Variants in TUBB8B observed in about 807,000 individuals in gnomAD.
TUBB8B encodes the protein HSA18p11 beta-tubulin 4Q pseudogene.
TUBB8B carries 26 observed loss-of-function variants against 31.9 expected under a neutral mutation model. The ratio of observed to expected loss-of-function variants is 0.81; its 90% CI spans 0.60 to 1.13. The LOEUF is 1.13. Among genes scored for constraint, TUBB8B ranks in the 50% most tolerant of loss-of-function variants. TUBB8B has a pLI of 0.00. For synonymous variants in TUBB8B, 173 were observed against 231.0 expected (o/e 0.75, Z 2.28); for missense variants, 467 against 586.7 (o/e 0.80, Z 2.11).
At chr18:57,328 A>G in the TUBB8B span, among the ~76,000 whole-genome samples, 2 of 151,850 alleles carry the variant, frequency 1.3e-5, no homozygotes, top group African/African-American at 4.8e-5. Context: ...CAAATGGGGC[A>G]TAGGCATTGG....
the TUBB8B span, among the ~76,000 whole-genome samples, chr18:72,478 CTGTTG>C: frequency 6.6e-6 from 1 of 151,622 alleles, no homozygotes; most frequent in Non-Finnish European, 1.5e-5. Context: ...AAAAGAAAAA[CTGTTG>C]TTGACGAGTT....
chr18:55,193 C>T, the TUBB8B span, among the ~76,000 whole-genome samples: 1 of 151,698 alleles, frequency 6.6e-6, no homozygotes, highest in African/African-American at 2.4e-5. Context: ...CCTCCACCTC[C>T]TGGGTTCAAG....
the TUBB8B span, among the ~76,000 whole-genome samples, chr18:63,702 CCTAACCCTAACA>C: frequency 0.13 from 18,246 of 143,300 alleles, 1,391 homozygotes; most frequent in South Asian, 0.19. Flanking sequence ...TAACCCTAAC[CCTAACCCTAACA>C]CTAACCCTAA....
At chr18:67,785 A>G in the TUBB8B span, among the ~76,000 whole-genome samples, 21 of 152,250 alleles carry the variant, frequency 1.4e-4, no homozygotes, top group East Asian at 4.1e-3. Flanking sequence ...CTGCTGTGAC[A>G]CCCAGAAGAC....
At chr18:48,693 G>A (rs1267823269) in intron 3 of TUBB8B, 1 of 666,384 alleles carries the variant, frequency 1.5e-6, no homozygotes, top group Non-Finnish European at 2.7e-6. Context: ...CCCATTCTCA[G>A]GAAAGGCAGT....
the TUBB8B span, among the ~76,000 whole-genome samples, chr18:66,998 T>G: frequency 2.0e-5 from 3 of 149,298 alleles, no homozygotes; most frequent in South Asian, 2.1e-4. Flanking sequence ...TTTTTTTTGT[T>G]TTTTTTTTTT....
chr18:61,524 TTTTC>T, the TUBB8B span, among the ~76,000 whole-genome samples: 1 of 147,466 alleles, frequency 6.8e-6, no homozygotes, highest in Admixed American at 6.6e-5. Context: ...CTCATTGTTC[TTTTC>T]TTTCTTCCTG....
upstream of TUBB8B, chr18:50,082 G>T (rs200426397): frequency 3.2e-6 from 1 of 315,584 alleles, no homozygotes; most frequent in Non-Finnish European, 6.2e-6. Context: ...TATGGGTGTT[G>T]GAGATAGTCA....
chr18:53,262 G>A (rs1044640924), upstream of TUBB8B, among the ~76,000 whole-genome samples: 1 of 151,878 alleles, frequency 6.6e-6, no homozygotes, highest in Non-Finnish European at 1.5e-5. Flanking sequence ...TCCTCAAGGA[G>A]AAAATGTATT....
At chr18:50,507 C>T (rs1013813123), upstream of TUBB8B, 1 of 152,884 alleles carries the variant, frequency 6.5e-6, no homozygotes, top group Non-Finnish European at 1.5e-5. Flanking sequence ...ACAGAGCTCA[C>T]AGGGCTGAGT....
At chr18:68,235 T>C in the TUBB8B span, among the ~76,000 whole-genome samples, 1 of 152,134 alleles carries the variant, frequency 6.6e-6, no homozygotes, top group Admixed American at 6.5e-5. Context: ...GTGTAACTTA[T>C]CCCTTCTCCT....
chr18:49,085 G>A, intron 2 of TUBB8B, 35 bp from the exon 3 acceptor site: 2 of 1,481,426 alleles, frequency 1.4e-6, no homozygotes, highest in Non-Finnish European at 1.9e-6. Flanking sequence ...CGAGGGGAGG[G>A]CCGCGTTCCC....
chr18:53,130 G>A (rs1906176289), upstream of TUBB8B, among the ~76,000 whole-genome samples: 1 of 151,734 alleles, frequency 6.6e-6, no homozygotes, highest in Non-Finnish European at 1.5e-5. Flanking sequence ...TCAGACTATA[G>A]GTATTAACCT....
chr18:58,954 CA>C, the TUBB8B span, among the ~76,000 whole-genome samples: 1 of 151,648 alleles, frequency 6.6e-6, no homozygotes, highest in Non-Finnish European at 1.5e-5. Context: ...CATCATAGGG[CA>C]AAAAGCAGGA....
In TUBB8B at chr18:49,548, T is replaced by G. The variant is rs12955069; in HGVS notation, c.10A>C (p.Ile4Leu). The change falls in exon 1 of 4, where the codon ATC becomes CTC. Residue 4 changes from isoleucine to leucine, a missense_variant. Physicochemically the swap from Ile to Leu is conservative, Grantham distance 5. Coordinates refer to ENST00000308911, the MANE Select transcript of TUBB8B (RefSeq NM_001358689.2). Reference sequence around the variant, plus strand: ...CACTGCCCGGTCTGCGTGAGCACGATTTCCCTCATGGCCAAGGCAGGATTA... The same window carrying G: ...CACTGCCCGGTCTGCGTGAGCACGAGTTCCCTCATGGCCAAGGCAGGATTA... The part of the protein sequence containing the change: MRE[I>L]VLTQTGQCGN... The G allele has an allele frequency of 0.58, 443,768 of 761,388 alleles. 159,725 individuals carry two copies. Among genetic ancestry groups the G allele is most frequent in the East Asian group, 0.97 (34,049 of 34,944 alleles). The allele number at this position is 761,388 out of a possible 1,614,324, so 47.2% of individuals were successfully genotyped here.
the TUBB8B span, among the ~76,000 whole-genome samples, chr18:63,248 C>A: frequency 2.0e-5 from 3 of 151,814 alleles, no homozygotes; most frequent in Admixed American, 6.6e-5. Flanking sequence ...TCTTCACAGT[C>A]TGGGCTTCTT....
At chr18:63,735 T>A in the TUBB8B span, among the ~76,000 whole-genome samples, 3 of 128,364 alleles carry the variant, frequency 2.3e-5, no homozygotes, top group East Asian at 2.6e-4. Flanking sequence ...CCCCTAACCC[T>A]AACTCTAACC....
the TUBB8B span, among the ~76,000 whole-genome samples, chr18:72,196 A>AAAAAGAAAAAAAAAAAAAAAAAAAAC: frequency 1.2e-5 from 1 of 84,536 alleles, no homozygotes; most frequent in Non-Finnish European, 2.4e-5. Context: ...AAAAAAAAAA[A>AAAAAGAAAAAAAAAAAAAAAAAAAAC]AAAGGAAAAA....
the TUBB8B span, among the ~76,000 whole-genome samples, chr18:65,245 G>A: frequency 1.3e-5 from 2 of 151,988 alleles, no homozygotes; most frequent in Non-Finnish European, 2.9e-5. Context: ...AGGTTGCAGT[G>A]AGCTGAGATC....
Sources: allele counts gnomAD v4.1 joint callset (sites outside exome capture counted in the v4.1 genomes callset), GRCh38; gene constraint gnomAD v4.1.1; transcripts MANE v1.5; gene names NCBI Gene and HGNC (gene_info 2026-07-23, HGNC 2026-07-21).